The following TNS1 variants were observed in gnomAD, a reference collection of about 807,000 sequenced individuals.
TNS1 encodes the protein tensin 1.
A neutral mutation model predicts 168.6 loss-of-function variants in TNS1; 62 were observed. That is an observed-to-expected ratio of 0.37 (90% CI 0.30 to 0.45). The LOEUF is 0.45. Among genes scored for constraint, TNS1 ranks in the 20% least tolerant of loss-of-function variants. The probability of loss-of-function intolerance (pLI) is 1.00; values close to 1 mark genes in which losing one functional copy is unlikely to be tolerated. For missense variants in TNS1, 2,240 were observed against 2,339.4 expected, an observed-to-expected ratio of 0.96 and a Z score of 0.88; for synonymous variants, 934 against 933.2, an observed-to-expected ratio of 1.00 and a Z score of -0.02.
chr2:217,897,873 G>A lies in TNS1; in HGVS notation c.468C>T (p.Ala156=), dbSNP rs1272017050. The change falls in exon 8 of 33, where the codon GCC becomes GCT. Residue 156 remains alanine, a synonymous_variant. Transcript: ENST00000682258. ...GGTTGCTCCGGAAGTTCTCCTCATT[G>A]GCTGTGCTGGGGAAGGAGACAGCGA... ...RIIAVSFPST[A]NEENFRSNLR... The A allele has an allele frequency of 6.2e-7, 1 of 1,613,634 alleles. No homozygotes were observed. Among genetic ancestry groups the A allele is most frequent in the Non-Finnish European group, 8.5e-7 (1 of 1,179,778 alleles).
At chr2:217,979,362 C>T (rs902648089) in intron 2 of TNS1, among the ~76,000 whole-genome samples, 4 of 152,038 alleles carry the variant, frequency 2.6e-5, no homozygotes, top group East Asian at 1.9e-4. Context: ...CACGCACACA[C>T]ACACAGTCTC....
rs61738776 is a variant in TNS1 at position 217,847,921 on chromosome 2, C to G, written c.2596G>C (p.Ala866Pro). Residue 866 changes from alanine (A) to proline (P), a missense_variant, in exon 19 of 33, where the codon GCT becomes CCT. Physicochemically the swap from Ala to Pro is conservative, Grantham distance 27 (BLOSUM62 -1). This residue lies in a region of TNS1 where 2,131 missense variants were observed against 2,171.2 expected (regional missense o/e 0.98). Coordinates refer to ENST00000682258, the MANE Select transcript of TNS1 (RefSeq NM_001387777.1). ...SQSVPGAWPG[A>P]SPLSSQPLSG... The stretch of plus-strand genomic sequence containing the variant: ...AGGGGCTGGGAGGAGAGTGGAGAAG[C>G]CCCTGGCCAGGCCCCGGGGACACTC... 2.6e-6 allele frequency: 4 copies of G among 1,524,808 alleles called. No individual in the cohort carries two copies. In the Admixed American group the frequency reaches 6.0e-5, roughly 23 times the overall value. The allele number at this position is 1,524,808 out of a possible 1,614,324, so 94.5% of individuals were successfully genotyped here.
At chr2:217,957,057 T>G (rs990409057) in intron 3 of TNS1, among the ~76,000 whole-genome samples, 2 of 152,146 alleles carry the variant, frequency 1.3e-5, no homozygotes, top group African/African-American at 4.8e-5. Flanking sequence ...AAGCACAGGC[T>G]GGGGGCACGA....
At chr2:217,835,924 A>G (rs1574713876) in intron 20 of TNS1, 91 bp downstream of exon 20, 1 of 1,140,744 alleles carries the variant, frequency 8.8e-7, no homozygotes, top group Non-Finnish European at 1.3e-6. Context: ...GAGTATACTG[A>G]TATCAGTGCC....
Position 217,813,747 on chromosome 2 carries a change from G to A in TNS1, c.4799C>T (p.Ala1600Val), listed in dbSNP as rs370042202. 7 of 1,613,930 alleles carry A rather than the reference G, an allele frequency of 4.3e-6. No homozygotes were observed. Among genetic ancestry groups the A allele is most frequent in the East Asian group, 2.2e-5 (1 of 44,888 alleles). ...AGACACCTTCATGGCCAGCCCGTAC[G>A]CGCCTCGGAAGGAGTGACTGTCGCG... ...IIRDSHSFRG[A>V]YGLAMKVSSP... The change falls in exon 26 of 33, where the codon GCG becomes GTG. Residue 1600 changes from alanine (A) to valine (V), a missense_variant. Ala to Val is a moderately conservative substitution (Grantham distance 64). This residue lies in a region of TNS1 where 2,131 missense variants were observed against 2,171.2 expected (regional missense o/e 0.98). Coordinates refer to ENST00000682258, the MANE Select transcript of TNS1 (RefSeq NM_001387777.1). This position sits in a 1 kb window ranked among gnomAD's most constrained non-coding sequence, Gnocchi z 4.0.
chr2:217,837,510 C>A (rs2125336960), intron 19 of TNS1, among the ~76,000 whole-genome samples: 1 of 152,366 alleles, frequency 6.6e-6, no homozygotes, highest in East Asian at 1.9e-4. Flanking sequence ...CTCATACTCT[C>A]CCATAATCAG....
At chr2:218,012,433 T>C (rs1306426639), upstream of TNS1, among the ~76,000 whole-genome samples, 1 of 152,138 alleles carries the variant, frequency 6.6e-6, no homozygotes, top group Non-Finnish European at 1.5e-5. Flanking sequence ...GAAGTAATGA[T>C]GGCATCCAAG....
chr2:217,930,669 G>A (rs934347503), intron 3 of TNS1, among the ~76,000 whole-genome samples: 2 of 152,216 alleles, frequency 1.3e-5, no homozygotes, highest in Non-Finnish European at 2.9e-5. Flanking sequence ...GAGGGGATCC[G>A]AGGAACATAA....
chr2:218,022,854 G>C (rs910531152), intron 1 of TNS1, among the ~76,000 whole-genome samples: 1 of 152,140 alleles, frequency 6.6e-6, no homozygotes, highest in Non-Finnish European at 1.5e-5. Flanking sequence ...AGCTGGGCCA[G>C]AAGTCACCTC....
chr2:217,824,279 G>A (rs1013086735), intron 22 of TNS1, among the ~76,000 whole-genome samples: 1 of 152,162 alleles, frequency 6.6e-6, no homozygotes, highest in African/African-American at 2.4e-5. Flanking sequence ...CAGGACACAT[G>A]GATAATTAGT....
intron 27 of TNS1, among the ~76,000 whole-genome samples, chr2:217,812,744 G>A (rs1204753894): frequency 1.3e-5 from 2 of 152,212 alleles, no homozygotes; most frequent in African/African-American, 4.8e-5. Flanking sequence ...CAGGGCAGAA[G>A]GATCAGAGAA....
At chr2:217,804,894 G>C (rs1002869151) in intron 32 of TNS1, among the ~76,000 whole-genome samples, 1 of 152,086 alleles carries the variant, frequency 6.6e-6, no homozygotes, top group African/African-American at 2.4e-5. Flanking sequence ...GATAGTGAGG[G>C]GTGGGGAGGA....
At chr2:217,989,161 T>C (rs1412242377) in intron 2 of TNS1, among the ~76,000 whole-genome samples, 1 of 152,042 alleles carries the variant, frequency 6.6e-6, no homozygotes, top group African/African-American at 2.4e-5. Context: ...CAGAGGAACA[T>C]GCGGCAGAGA....
intron 3 of TNS1, among the ~76,000 whole-genome samples, chr2:217,971,610 T>C (rs1248525868): frequency 6.6e-6 from 1 of 152,262 alleles, no homozygotes; most frequent in African/African-American, 2.4e-5. Context: ...TTCTGGGTCA[T>C]ACAGCAAGTG....
intron 19 of TNS1, among the ~76,000 whole-genome samples, chr2:217,846,384 C>T (rs1337401005): frequency 6.6e-6 from 1 of 152,206 alleles, no homozygotes; most frequent in Non-Finnish European, 1.5e-5. Context: ...CTTCCCTAAA[C>T]CCACGGTCCA....
chr2:217,867,626 A>G (rs1574879474), intron 18 of TNS1, among the ~76,000 whole-genome samples: 1 of 152,252 alleles, frequency 6.6e-6, no homozygotes. Flanking sequence ...ACCAGACCCC[A>G]GGTGATCTAC....
intron 4 of TNS1, among the ~76,000 whole-genome samples, chr2:217,912,699 G>T (rs905956135): frequency 1.3e-5 from 2 of 152,204 alleles, no homozygotes; most frequent in Non-Finnish European, 2.9e-5. Context: ...CAGAGTTTAT[G>T]GGGCACTTGG....
intron 3 of TNS1, chr2:217,944,110 GC>G (rs1002244459): frequency 2.0e-5 from 3 of 152,416 alleles, no homozygotes; most frequent in Non-Finnish European, 4.4e-5. Flanking sequence ...TCCCAGGCCA[GC>G]CCAGGGGGCG....
intron 21 of TNS1, among the ~76,000 whole-genome samples, chr2:217,833,436 T>C (rs1224548557): frequency 6.6e-6 from 1 of 152,264 alleles, no homozygotes; most frequent in African/African-American, 2.4e-5. Flanking sequence ...TGTGTGTCTA[T>C]GGAACCTCTG....
Sources: allele counts gnomAD v4.1 joint callset (sites outside exome capture counted in the v4.1 genomes callset), GRCh38; gene constraint gnomAD v4.1.1; regional missense constraint gnomAD v4.1.1; non-coding constraint Gnocchi (gnomAD v3.1); transcripts MANE v1.5; gene names NCBI Gene and HGNC (gene_info 2026-07-23, HGNC 2026-07-21).